ADAMTS3: variants seen among roughly 807,000 people sequenced by gnomAD.
ADAMTS3 encodes A disintegrin and metalloproteinase with thrombospondin motifs 3.
Under a neutral mutation model 129.0 loss-of-function variants are expected in ADAMTS3, and 73 were observed. The observed-to-expected ratio is 0.57, with a 90% CI of 0.47 to 0.69. The LOEUF (loss-of-function observed/expected upper bound fraction) is 0.69, where lower values mean the gene tolerates loss of function less well. Ranked by LOEUF, ADAMTS3 falls within the 30% of genes least tolerant of loss-of-function variation. The pLI is 0.00. For missense variants in ADAMTS3, 1,457 were observed against 1,514.5 expected (o/e 0.96, Z 0.63); for synonymous variants, 477 against 510.8 (o/e 0.93, Z 0.89).
chr4:72,366,231 G>A, intron 4 of ADAMTS3, among the ~76,000 whole-genome samples: 1 of 152,298 alleles, frequency 6.6e-6, no homozygotes, highest in East Asian at 1.9e-4. Flanking sequence ...AGTATGTGCT[G>A]AGTACTTGCT....
chr4:72,530,673 TAA>T (rs1491449762), intron 3 of ADAMTS3, among the ~76,000 whole-genome samples: 4 of 49,614 alleles, frequency 8.1e-5, no homozygotes, highest in East Asian at 1.0e-3. Flanking sequence ...ATATAATATA[TAA>T]TATGTATAAT....
intron 4 of ADAMTS3, among the ~76,000 whole-genome samples, chr4:72,412,969 C>T (rs1722217799): frequency 6.6e-6 from 1 of 151,994 alleles, no homozygotes; most frequent in Non-Finnish European, 1.5e-5. Context: ...TCCCAAATTT[C>T]TGTAATTCCA....
chr4:72,300,180 C>T (rs1381028722), intron 17 of ADAMTS3, among the ~76,000 whole-genome samples: 1 of 152,124 alleles, frequency 6.6e-6, no homozygotes, highest in East Asian at 1.9e-4. Flanking sequence ...AGCCAGATAT[C>T]TAATTCTCTT....
chr4:72,363,559 A>C (rs531143040), intron 4 of ADAMTS3, among the ~76,000 whole-genome samples: 1 of 152,314 alleles, frequency 6.6e-6, no homozygotes, highest in South Asian at 2.1e-4. Context: ...GTAAAAATAA[A>C]TCTATAAGCG....
chr4:72,565,653 T>A (rs1323545786), intron 2 of ADAMTS3, among the ~76,000 whole-genome samples: 1 of 152,170 alleles, frequency 6.6e-6, no homozygotes, highest in South Asian at 2.1e-4. Context: ...AACAGATGAA[T>A]ATGGGAACAA....
At chr4:72,545,321 G>C (rs1051768460) in intron 3 of ADAMTS3, among the ~76,000 whole-genome samples, 1 of 152,132 alleles carries the variant, frequency 6.6e-6, no homozygotes, top group African/African-American at 2.4e-5. Context: ...ATTTGAAGAA[G>C]GAGGAAAGGT....
chr4:72,499,246 T>C (rs78701811), intron 3 of ADAMTS3, among the ~76,000 whole-genome samples: 6,232 of 152,258 alleles, frequency 0.041, 143 homozygotes, highest in Non-Finnish European at 0.048. Flanking sequence ...TAAAGTATAA[T>C]AAGAATCTAT....
chr4:72,399,468 T>TA (rs1721818558), intron 4 of ADAMTS3, among the ~76,000 whole-genome samples: 1 of 152,148 alleles, frequency 6.6e-6, no homozygotes, highest in Non-Finnish European at 1.5e-5. Context: ...GCAAGGTTCT[T>TA]AACATTTCTG....
chr4:72,405,116 A>G (rs925343801), intron 4 of ADAMTS3, among the ~76,000 whole-genome samples: 3 of 152,106 alleles, frequency 2.0e-5, no homozygotes, highest in African/African-American at 7.2e-5. Flanking sequence ...TTCCTAGAGA[A>G]AATAAACTAT....
chr4:72,518,088 T>A (rs566162923), intron 3 of ADAMTS3, among the ~76,000 whole-genome samples: 1 of 152,368 alleles, frequency 6.6e-6, no homozygotes, highest in African/African-American at 2.4e-5. Flanking sequence ...CTTCATTTCA[T>A]TATATACCCA....
intron 4 of ADAMTS3, among the ~76,000 whole-genome samples, chr4:72,348,810 C>A (rs1176764207): frequency 6.6e-6 from 1 of 151,602 alleles, no homozygotes; most frequent in Admixed American, 6.6e-5. Context: ...CAGTGAACCA[C>A]AGCCAACAGC....
At chr4:72,409,627 CTCT>C (rs1475763840) in intron 4 of ADAMTS3, among the ~76,000 whole-genome samples, 2 of 152,096 alleles carry the variant, frequency 1.3e-5, no homozygotes, top group East Asian at 3.9e-4. Context: ...CCTAAATAAG[CTCT>C]TTTCATTGAA....
intron 3 of ADAMTS3, among the ~76,000 whole-genome samples, chr4:72,539,057 A>T (rs1721251048): frequency 6.6e-6 from 1 of 151,942 alleles, no homozygotes; most frequent in African/African-American, 2.4e-5. Flanking sequence ...AAAACTAAAA[A>T]CTCTTGTTAA....
chr4:72,289,269 C>A (rs1188138454), intron 20 of ADAMTS3, among the ~76,000 whole-genome samples: 1 of 152,168 alleles, frequency 6.6e-6, no homozygotes, highest in Non-Finnish European at 1.5e-5. Context: ...ATGGTAACAT[C>A]TGCTGTAGTT....
rs781610375 is a variant in ADAMTS3 at position 72,313,768 on chromosome 4, C to T, written c.1654G>A (p.Gly552Ser). The change falls in exon 12 of 22, where the codon GGC (glycine) becomes AGC (serine). Residue 552 changes from glycine to serine, a missense_variant. By Grantham distance (56) the Gly-to-Ser change is moderately conservative. Transcript: ENST00000286657. ...AATTTAGTCCATGACCCCCAATTGCCATCTTGTTTTTGCTGATTAGCATTC... is the reference window on the plus strand; with the variant it reads ...AATTTAGTCCATGACCCCCAATTGCTATCTTGTTTTTGCTGATTAGCATTC... ...WKNANQQKQD[G>S]NWGSWTKFGS... is the part of the protein sequence containing the mutation. 6.2e-7 allele frequency: 1 copy of T among 1,613,722 alleles called. No homozygotes were observed. Among genetic ancestry groups the T allele is most frequent in the African/African-American group, 1.3e-5 (1 of 74,890 alleles).
At chr4:72,529,025 G>C (rs1462013430) in intron 3 of ADAMTS3, among the ~76,000 whole-genome samples, 1 of 152,038 alleles carries the variant, frequency 6.6e-6, no homozygotes, top group Non-Finnish European at 1.5e-5. Context: ...TTCTGCTTTA[G>C]CTAGAATGGT....
intron 3 of ADAMTS3, among the ~76,000 whole-genome samples, chr4:72,497,750 G>GAA (rs10695197): frequency 0.97 from 146,335 of 151,476 alleles, 70,833 homozygotes; most frequent in Non-Finnish European, 1. Flanking sequence ...ATTATCATCA[G>GAA]AAAAAAAGTC....
At chr4:72,490,826 G>A (rs909239003) in intron 3 of ADAMTS3, among the ~76,000 whole-genome samples, 16 of 151,760 alleles carry the variant, frequency 1.1e-4, no homozygotes, top group African/African-American at 3.6e-4. Context: ...GTCTTTTGTG[G>A]TTTCACAGGA....
chr4:72,416,843 C>A (rs180882079), intron 3 of ADAMTS3, among the ~76,000 whole-genome samples: 1 of 152,106 alleles, frequency 6.6e-6, no homozygotes, highest in African/African-American at 2.4e-5. Flanking sequence ...CCTTCTCAGG[C>A]ATTAATTAAT....
Sources: allele counts gnomAD v4.1 joint callset (sites outside exome capture counted in the v4.1 genomes callset), GRCh38; gene constraint gnomAD v4.1.1; transcripts MANE v1.5; gene names NCBI Gene and HGNC (gene_info 2026-07-23, HGNC 2026-07-21).